The following GPATCH1 variants were observed in gnomAD, a reference collection of about 807,000 sequenced individuals.
GPATCH1 encodes the protein G patch domain-containing protein 1.
GPATCH1 carries 73 observed loss-of-function variants against 114.9 expected under a neutral mutation model. The ratio of observed to expected loss-of-function variants is 0.64; its 90% CI spans 0.53 to 0.77. The LOEUF (loss-of-function observed/expected upper bound fraction) is 0.77. Ranked by LOEUF, GPATCH1 falls within the 30% of genes least tolerant of loss-of-function variation. The probability of loss-of-function intolerance (pLI) is 0.00; values close to 1 mark genes in which losing one functional copy is unlikely to be tolerated. For missense variants in GPATCH1, 1,058 were observed against 1,144.3 expected, an observed-to-expected ratio of 0.92 and a Z score of 1.09; for synonymous variants, 391 against 428.4, an observed-to-expected ratio of 0.91 and a Z score of 1.08.
intron 8 of GPATCH1, among the ~76,000 whole-genome samples, chr19:33,100,780 CT>C (rs746559066): frequency 0.018 from 2,387 of 135,304 alleles, 44 homozygotes; most frequent in African/African-American, 0.059. Flanking sequence ...GTAGAAGGGG[CT>C]TTTTTTTTTT....
At chr19:33,120,271 C>CAATTATATATAAAAATTATAA (rs1972966231) in intron 17 of GPATCH1, among the ~76,000 whole-genome samples, 3 of 120,284 alleles carry the variant, frequency 2.5e-5, no homozygotes, top group South Asian at 2.3e-4. Flanking sequence ...TTATATATAA[C>CAATTATATATAAAAATTATAA]AATTATATAT....
intron 1 of GPATCH1, among the ~76,000 whole-genome samples, chr19:33,083,534 A>G (rs1323177528): frequency 6.6e-6 from 1 of 151,094 alleles, no homozygotes; most frequent in African/African-American, 2.4e-5. Context: ...AGCTGGGATT[A>G]TAGGTACATT....
At chr19:33,118,109 G>A in intron 16 of GPATCH1, 68 bp downstream of exon 16, 2 of 975,478 alleles carry the variant, frequency 2.1e-6, no homozygotes, top group South Asian at 1.4e-5. Context: ...CTGCTTCTCT[G>A]TTTACTCTAT....
chr19:33,128,699 TG>T (rs79741373), intron 19 of GPATCH1, among the ~76,000 whole-genome samples: 32,990 of 152,194 alleles, frequency 0.22, 5,127 homozygotes, highest in African/African-American at 0.43. Context: ...TTATCTTTAT[TG>T]GGAAGAAGGG....
chr19:33,096,542 T>G, intron 7 of GPATCH1, 96 bp downstream of exon 7: 1 of 1,044,658 alleles, frequency 9.6e-7, no homozygotes, highest in Non-Finnish European at 1.4e-6. Flanking sequence ...TTTCTTTTTT[T>G]TTCCCCCTAA....
At chr19:33,125,230 C>A (rs183880093) in intron 18 of GPATCH1, 28 bp downstream of exon 18, 1 of 1,574,310 alleles carries the variant, frequency 6.4e-7, no homozygotes, top group East Asian at 2.4e-5. Context: ...ACCCCAGGAT[C>A]AGTGTGGGGT....
chr19:33,085,523 T>TA (rs1005376504), intron 1 of GPATCH1, among the ~76,000 whole-genome samples: 4 of 151,802 alleles, frequency 2.6e-5, no homozygotes, highest in African/African-American at 9.7e-5. Flanking sequence ...CCCCACCCTT[T>TA]AAAAAAAATG....
At chr19:33,111,301 G>A (rs1972849572) in intron 11 of GPATCH1, among the ~76,000 whole-genome samples, 2 of 150,908 alleles carry the variant, frequency 1.3e-5, no homozygotes, top group East Asian at 4.0e-4. Flanking sequence ...GGAGAATGGT[G>A]TGAACGTGGG....
At chr19:33,103,915 G>A (rs1395837213) in intron 9 of GPATCH1, among the ~76,000 whole-genome samples, 13 of 152,008 alleles carry the variant, frequency 8.6e-5, no homozygotes. Flanking sequence ...GCTTTGGGCA[G>A]GAACACTTCA....
At chr19:33,118,176 A>ATTT (rs35859593) in intron 16 of GPATCH1, 135 bp downstream of exon 16, 394 of 277,216 alleles carry the variant, frequency 1.4e-3, no homozygotes, top group Middle Eastern at 3.4e-3. Context: ...TATGTATATA[A>ATTT]TTTTTTTTTT....
intron 16 of GPATCH1, among the ~76,000 whole-genome samples, chr19:33,118,378 C>G (rs1395653272): frequency 6.6e-6 from 1 of 151,698 alleles, no homozygotes; most frequent in Non-Finnish European, 1.5e-5. Flanking sequence ...GGGGTTTCAC[C>G]ATGTTGGCCA....
intron 1 of GPATCH1, among the ~76,000 whole-genome samples, chr19:33,083,243 CAAAAA>C (rs759998717): frequency 0.036 from 2,212 of 61,666 alleles, 40 homozygotes; most frequent in African/African-American, 0.11. Context: ...GACTCTGTCT[CAAAAA>C]AAAAAAAAAA....
At chr19:33,086,316 T>A (rs1484966821) in intron 1 of GPATCH1, among the ~76,000 whole-genome samples, 1 of 152,156 alleles carries the variant, frequency 6.6e-6, no homozygotes, top group Non-Finnish European at 1.5e-5. Context: ...ATTAACTGAT[T>A]TCCCCCATGG....
intron 19 of GPATCH1, among the ~76,000 whole-genome samples, chr19:33,126,955 A>AAAACAAAC (rs141950830): frequency 6.6e-6 from 1 of 151,394 alleles, no homozygotes; most frequent in African/African-American, 2.4e-5. Flanking sequence ...CAGCTCTACA[A>AAAACAAAC]AAACAAACAA....
intron 10 of GPATCH1, among the ~76,000 whole-genome samples, chr19:33,109,012 G>T (rs953566389): frequency 6.6e-6 from 1 of 152,166 alleles, no homozygotes; most frequent in Non-Finnish European, 1.5e-5. Flanking sequence ...TTGAGCCCAG[G>T]AGTTGAGACC....
In GPATCH1 at chr19:33,081,193, G is replaced by C. The variant is rs901884034; in HGVS notation, c.-1G>C. ...GAGGGGGCGGGGCCCGGAAGAGCAG[G>C]ATGGCGGCGCGGGACAGTGACAGCG... On this transcript the variant is annotated 5_prime_UTR_variant, in exon 1 of 20. Coordinates refer to ENST00000170564, the MANE Select transcript of GPATCH1 (RefSeq NM_018025.3). 1.3e-6 allele frequency: 2 copies of C among 1,551,198 alleles called. No individual in the cohort carries two copies. The highest frequency in any genetic ancestry group is 1.7e-6 in the Non-Finnish European group (2 of 1,146,820).
intron 15 of GPATCH1, 151 bp downstream of exon 15, chr19:33,114,570 G>A (rs1972896107): frequency 1.6e-6 from 1 of 631,048 alleles, no homozygotes; most frequent in Non-Finnish European, 2.6e-6. Flanking sequence ...TCTAACTTTT[G>A]GCTATAACAA....
intron 3 of GPATCH1, among the ~76,000 whole-genome samples, chr19:33,093,018 A>T (rs1972613689): frequency 6.6e-6 from 1 of 151,982 alleles, no homozygotes; most frequent in African/African-American, 2.4e-5. Flanking sequence ...GTGAAACCCC[A>T]TCTATACTAA....
intron 16 of GPATCH1, among the ~76,000 whole-genome samples, chr19:33,118,706 G>A (rs566633025): frequency 2.2e-4 from 33 of 152,218 alleles, no homozygotes; most frequent in African/African-American, 7.2e-4. Flanking sequence ...CCTTTCTTGG[G>A]GACACATTTC....
Sources: gnomAD v4.1 joint callset for allele counts (sites outside exome capture counted in the v4.1 genomes callset) on GRCh38, gnomAD v4.1.1 for gene constraint, MANE v1.5 for transcripts, NCBI Gene and HGNC (gene_info 2026-07-23, HGNC 2026-07-21) for gene names.